CYSLTR2: variants seen among roughly 807,000 people sequenced by gnomAD.
CYSLTR2 encodes G-protein coupled receptor GPCR21.
For synonymous variants in CYSLTR2, 179 were observed against 160.8 expected (o/e 1.11, Z -0.86); for missense variants, 398 against 411.9 (o/e 0.97, Z 0.29).
At chr13:48,679,942 C>T (rs920295902) in intron 1 of CYSLTR2, among the ~76,000 whole-genome samples, 2 of 152,140 alleles carry the variant, frequency 1.3e-5, no homozygotes, top group Non-Finnish European at 2.9e-5. Flanking sequence ...CTCAGAAGGT[C>T]ACTGAGTAGC....
intron 1 of CYSLTR2, among the ~76,000 whole-genome samples, chr13:48,664,867 C>G (rs1953220912): frequency 1.3e-5 from 2 of 151,574 alleles, no homozygotes; most frequent in African/African-American, 4.8e-5. Context: ...GCTTAGTTTG[C>G]TCTTGCTTTT....
chr13:48,707,669 T>A lies in CYSLTR2; in HGVS notation c.852T>A (p.His284Gln). The change falls in exon 5 of 5, where the codon CAT becomes CAA. Residue 284 changes from histidine to glutamine, a missense_variant. Coordinates refer to ENST00000682523, the MANE Select transcript of CYSLTR2 (RefSeq NM_001308476.3). The stretch of plus-strand genomic sequence containing the variant: ...TGGGTTTATGCAAAGACAGACTGCA[T>A]AAAGCTTTGGTTATCACACTGGCCT... ...WKVGLCKDRL[H>Q]KALVITLALA... 4 of 1,614,172 alleles carry A rather than the reference T, an allele frequency of 2.5e-6. No homozygotes were observed. Among genetic ancestry groups the A allele is most frequent in the Non-Finnish European group, 3.4e-6 (4 of 1,180,016 alleles).
At chr13:48,675,244 C>A (rs1309021086) in intron 1 of CYSLTR2, among the ~76,000 whole-genome samples, 1 of 152,208 alleles carries the variant, frequency 6.6e-6, no homozygotes, top group African/African-American at 2.4e-5. Context: ...TGCCCACAGC[C>A]ACCCCTTCCC....
At chr13:48,668,275 A>C (rs1443756501) in intron 1 of CYSLTR2, among the ~76,000 whole-genome samples, 1 of 151,892 alleles carries the variant, frequency 6.6e-6, no homozygotes, top group African/African-American at 2.4e-5. Flanking sequence ...GTCAGTTGCT[A>C]AGGTGATCTG....
At chr13:48,671,042 T>C (rs1402584554) in intron 1 of CYSLTR2, among the ~76,000 whole-genome samples, 1 of 152,230 alleles carries the variant, frequency 6.6e-6, no homozygotes, top group Non-Finnish European at 1.5e-5. Flanking sequence ...TTGTAGCAAT[T>C]GTGAATAGGA....
In CYSLTR2 at chr13:48,708,467, G is replaced by A. The variant is rs1954561415; in HGVS notation, c.*609G>A. On this transcript the variant is annotated 3_prime_UTR_variant, in exon 5 of 5. Transcript: ENST00000682523. ...GAATTTCATTTTGCATTGGGAGAGA[G>A]GTTCTAACACACTGAAGGCAACCCT... The A allele has an allele frequency of 3.0e-5, 5 of 167,188 alleles. No individual in the cohort carries two copies. In the Admixed American group the frequency reaches 3.3e-4, roughly 11 times the overall value. 10.4% of individuals were successfully genotyped at this position (167,188 alleles called of 1,614,324 possible). A position where few individuals can be genotyped will look rare whatever the true frequency, so the allele number is the denominator to read the frequency against.
At chr13:48,677,216 G>A (rs1048306408) in intron 1 of CYSLTR2, among the ~76,000 whole-genome samples, 3 of 152,178 alleles carry the variant, frequency 2.0e-5, no homozygotes, top group Non-Finnish European at 4.4e-5. Flanking sequence ...AGTAGAACAG[G>A]CTGCTGAGCA....
chr13:48,665,176 C>T (rs1398365128), intron 1 of CYSLTR2, among the ~76,000 whole-genome samples: 1 of 151,994 alleles, frequency 6.6e-6, no homozygotes, highest in Non-Finnish European at 1.5e-5. Context: ...AAATAAGTTA[C>T]TCGGTATGAT....
At chr13:48,682,303 A>G (rs1593978952) in intron 1 of CYSLTR2, among the ~76,000 whole-genome samples, 1 of 152,284 alleles carries the variant, frequency 6.6e-6, no homozygotes, top group Non-Finnish European at 1.5e-5. Context: ...CAACTGATAG[A>G]AAGTATAATT....
intron 1 of CYSLTR2, among the ~76,000 whole-genome samples, chr13:48,681,677 A>G (rs1299840779): frequency 1.3e-5 from 2 of 152,134 alleles, no homozygotes; most frequent in South Asian, 2.1e-4. Flanking sequence ...TTGACAAGGA[A>G]CTTACCCCAG....
Position 48,707,312 on chromosome 13 carries a change from T to C in CYSLTR2, c.495T>C (p.Leu165=). The C allele has an allele frequency of 6.2e-7, 1 of 1,614,032 alleles. No individual in the cohort carries two copies. Among genetic ancestry groups the C allele is most frequent in the Non-Finnish European group, 8.5e-7 (1 of 1,180,020 alleles). The change falls in exon 5 of 5, where the codon CTT becomes CTC. Residue 165 remains leucine, a synonymous_variant. Coordinates refer to ENST00000682523, the MANE Select transcript of CYSLTR2 (RefSeq NM_001308476.3). ...AWILCGIIWI[L]IMASSIMLLD... is the part of the protein sequence containing the mutation. ...TCCTCTGTGGGATCATATGGATCCT[T>C]ATCATGGCTTCCTCAATAATGCTCC...
At chr13:48,657,855 C>T (rs1449532609) in intron 1 of CYSLTR2, among the ~76,000 whole-genome samples, 3 of 151,346 alleles carry the variant, frequency 2.0e-5, no homozygotes, top group Non-Finnish European at 4.4e-5. Context: ...TTATGGATTA[C>T]ACATGCAATT....
chr13:48,661,258 C>T (rs6420296), intron 1 of CYSLTR2, among the ~76,000 whole-genome samples: 140,583 of 152,024 alleles, frequency 0.92, 65,162 homozygotes, highest in East Asian at 1. Flanking sequence ...GGCCGCATTA[C>T]CCCCTTTTAC....
rs1239994216 is a variant in CYSLTR2 at position 48,707,495 on chromosome 13, G to T, written c.678G>T (p.Arg226=). The T allele has an allele frequency of 6.2e-7, 1 of 1,612,464 alleles. No individual in the cohort carries two copies. The highest frequency in any genetic ancestry group is 1.1e-5 in the South Asian group (1 of 91,076). ...TLSICYLLII[R]VLLKVEVPES... is the part of the protein sequence containing the mutation. ...GCATCTGTTATCTGCTGATCATTCG[G>T]GTTCTGTTAAAAGTGGAGGTCCCAG... is the stretch of plus-strand genomic sequence containing the variant. Residue 226 remains arginine (R), a synonymous_variant, in exon 5 of 5, where the codon CGG becomes CGT. Coordinates refer to ENST00000682523, the MANE Select transcript of CYSLTR2 (RefSeq NM_001308476.3).
At chr13:48,680,096 C>T (rs1040380385) in intron 1 of CYSLTR2, among the ~76,000 whole-genome samples, 13 of 152,290 alleles carry the variant, frequency 8.5e-5, no homozygotes, top group Middle Eastern at 3.4e-3. Context: ...TGCACTGTAG[C>T]AATTTGCCAC....
intron 4 of CYSLTR2, among the ~76,000 whole-genome samples, chr13:48,704,497 A>G (rs1427411536): frequency 2.8e-5 from 4 of 144,650 alleles, no homozygotes; most frequent in Admixed American, 6.9e-5. Flanking sequence ...GCTCTTTACT[A>G]TCTCCTTCCT....
chr13:48,705,621 A>G (rs1374241227), intron 4 of CYSLTR2, among the ~76,000 whole-genome samples: 2 of 148,466 alleles, frequency 1.3e-5, no homozygotes, highest in African/African-American at 2.4e-5. Context: ...ATATGTATAT[A>G]AAGATATACA....
intron 1 of CYSLTR2, among the ~76,000 whole-genome samples, chr13:48,677,888 GGAC>G (rs1953643214): frequency 6.9e-6 from 1 of 144,896 alleles, no homozygotes; most frequent in African/African-American, 2.6e-5. Context: ...TTTTTTTTTG[GGAC>G]AGAGTCTCAC....
At chr13:48,695,701 A>G (rs1007356616) in intron 3 of CYSLTR2, among the ~76,000 whole-genome samples, 1 of 152,166 alleles carries the variant, frequency 6.6e-6, no homozygotes, top group Admixed American at 6.5e-5. Flanking sequence ...TTATTTTCAC[A>G]TAGCATAGCT....
Sources: allele counts gnomAD v4.1 joint callset (sites outside exome capture counted in the v4.1 genomes callset), GRCh38; gene constraint gnomAD v4.1.1; transcripts MANE v1.5; gene names NCBI Gene and HGNC (gene_info 2026-07-23, HGNC 2026-07-21).